The following PDE4D variants were observed in gnomAD, a reference collection of about 807,000 sequenced individuals.
PDE4D encodes the protein phosphodiesterase 4D, also known as 3',5'-cyclic-AMP phosphodiesterase 4D.
Under a neutral mutation model 87.4 loss-of-function variants are expected in PDE4D, and 24 were observed. The ratio of observed to expected loss-of-function variants is 0.27; its 90% CI spans 0.20 to 0.39. The LOEUF (loss-of-function observed/expected upper bound fraction) is 0.39, where lower values mean the gene tolerates loss of function less well. PDE4D is among the 10% of genes least tolerant of loss of function. PDE4D has a pLI of 1.00. For synonymous variants in PDE4D, 384 were observed against 383.2 expected (o/e 1.00, Z -0.02); for missense variants, 714 against 1,041.0 (o/e 0.69, Z 4.32).
In PDE4D at chr5:60,083,050, T is replaced by A. The variant is rs145407031; in HGVS notation, c.43-94333A>T. Reference sequence around the variant, plus strand: ...TCTATTTATTTTGCAGCTCTCATGTTCATTTGTAATTATATGGCTGATGTG... The same window carrying A: ...TCTATTTATTTTGCAGCTCTCATGTACATTTGTAATTATATGGCTGATGTG... On this transcript the variant is annotated intron_variant, in intron 2 of 16. Coordinates refer to the PDE4D transcript ENST00000502484. Among the ~76,000 whole-genome samples the A allele has an allele frequency of 4.9e-3, 747 of 152,330 alleles. 1 individual carries two copies. Among genetic ancestry groups the A allele is most frequent in the African/African-American group, 0.017 (715 of 41,564 alleles).
intron 1 of PDE4D, among the ~76,000 whole-genome samples, chr5:59,502,994 A>G (rs1808597439): frequency 6.6e-6 from 1 of 151,378 alleles, no homozygotes; most frequent in Non-Finnish European, 1.5e-5. Context: ...TTTAAATGCT[A>G]AGTTCTGTAT....
At chr5:59,823,264 G>C (rs1769919153) in intron 1 of PDE4D, among the ~76,000 whole-genome samples, 1 of 152,060 alleles carries the variant, frequency 6.6e-6, no homozygotes, top group Admixed American at 6.6e-5. Flanking sequence ...CCTGTATAAT[G>C]CTCCAATTTG....
At chr5:60,050,211 C>A (rs546575920) in intron 2 of PDE4D, among the ~76,000 whole-genome samples, 3 of 152,262 alleles carry the variant, frequency 2.0e-5, no homozygotes, top group Non-Finnish European at 4.4e-5. Flanking sequence ...CAATGCCTCA[C>A]CCTGCTTCGG....
intron 1 of PDE4D, among the ~76,000 whole-genome samples, chr5:59,234,576 C>T (rs1755951974): frequency 6.6e-6 from 1 of 152,064 alleles, no homozygotes; most frequent in African/African-American, 2.4e-5. Context: ...CTATACTGTA[C>T]CATGACAGTG....
At chr5:59,500,984 T>C (rs572001303) in intron 1 of PDE4D, among the ~76,000 whole-genome samples, 5 of 152,308 alleles carry the variant, frequency 3.3e-5, no homozygotes, top group African/African-American at 1.2e-4. Context: ...TTTTTTCTTA[T>C]TTAAATTCCA....
chr5:60,175,732 G>A (rs1478089504), intron 2 of PDE4D, among the ~76,000 whole-genome samples: 1 of 152,078 alleles, frequency 6.6e-6, no homozygotes, highest in African/African-American at 2.4e-5. Context: ...TAGCAGGCCA[G>A]GGAGGAAGGG....
chr5:59,675,990 C>T lies in PDE4D; in HGVS notation c.455+217178G>A, dbSNP rs192763881. On this transcript the variant is annotated intron_variant, in intron 1 of 14. Coordinates refer to ENST00000340635, the MANE Select transcript of PDE4D (RefSeq NM_001104631.2). The stretch of plus-strand genomic sequence containing the variant: ...TACAGGCATGAGCCACCACACTCAA[C>T]CAAAAAATATAGTGTTAAGAGATCA... Among the ~76,000 whole-genome samples, 331 of 152,018 alleles carry T rather than the reference C, an allele frequency of 2.2e-3. 3 individuals are homozygous for T. The highest frequency in any genetic ancestry group is 0.02 in the Admixed American group (307 of 15,286).
chr5:59,544,973 G>T (rs188761937), intron 1 of PDE4D, among the ~76,000 whole-genome samples: 6 of 152,242 alleles, frequency 3.9e-5, no homozygotes, highest in African/African-American at 1.2e-4. Context: ...AGAAAATTTT[G>T]ATCATTACTC....
intron 1 of PDE4D, among the ~76,000 whole-genome samples, chr5:59,440,753 G>T (rs1797492501): frequency 1.3e-5 from 2 of 152,044 alleles, no homozygotes; most frequent in Non-Finnish European, 2.9e-5. Context: ...TCCAGCCTGG[G>T]CAACAAATGC....
intron 1 of PDE4D, among the ~76,000 whole-genome samples, chr5:60,321,869 A>G (rs2149841438): frequency 6.6e-6 from 1 of 150,418 alleles, no homozygotes; most frequent in East Asian, 2.0e-4. Flanking sequence ...CAGAATGGCT[A>G]TGATTAAAAA....
Position 60,465,014 on chromosome 5 carries a change from C to T in PDE4D, c.-90+22928G>A, listed in dbSNP as rs185294474. 1.9e-4 allele frequency among the ~76,000 whole-genome samples: 29 copies of T among 151,880 alleles called. 2 individuals are homozygous for T. In the South Asian group the frequency reaches 4.6e-3, roughly 24 times the overall value. ...GTCCCAGCTATTTGGGAGGCTGAGGCGGGAGGATTGTTTGAACTCAGGAGT... is the reference window on the plus strand; with the variant it reads ...GTCCCAGCTATTTGGGAGGCTGAGGTGGGAGGATTGTTTGAACTCAGGAGT... On this transcript the variant is annotated intron_variant, in intron 1 of 16. Transcript: ENST00000502484.
intron 1 of PDE4D, among the ~76,000 whole-genome samples, chr5:59,842,243 T>A (rs904388966): frequency 4.0e-5 from 6 of 151,896 alleles, no homozygotes; most frequent in Non-Finnish European, 8.8e-5. Context: ...AAGGCAGAAG[T>A]GAAATGACTT....
intron 1 of PDE4D, among the ~76,000 whole-genome samples, chr5:59,376,038 C>A (rs979533399): frequency 1.3e-5 from 2 of 152,106 alleles, no homozygotes; most frequent in South Asian, 2.1e-4. Context: ...GAACAGCCCT[C>A]AAAAAATAAG....
At chr5:59,519,875 T>A (rs1582957497) in intron 1 of PDE4D, among the ~76,000 whole-genome samples, 1 of 151,468 alleles carries the variant, frequency 6.6e-6, no homozygotes, top group South Asian at 2.1e-4. Flanking sequence ...CAATATTGGA[T>A]TTGTTGGGCA....
intron 1 of PDE4D, among the ~76,000 whole-genome samples, chr5:60,301,210 T>C (rs2149792468): frequency 6.6e-6 from 1 of 152,342 alleles, no homozygotes; most frequent in Non-Finnish European, 1.5e-5. Context: ...CTTTTTTGGT[T>C]CCATACGAAT....
intron 2 of PDE4D, among the ~76,000 whole-genome samples, chr5:60,182,836 C>T (rs1309509107): frequency 1.3e-5 from 2 of 151,348 alleles, no homozygotes; most frequent in African/African-American, 2.4e-5. Context: ...GCCGAGATCG[C>T]GCCACTGCGC....
rs189772068 is a variant in PDE4D at position 60,311,202 on chromosome 5, C to T, written c.-89-125515G>A. 9.8e-4 allele frequency among the ~76,000 whole-genome samples: 149 copies of T among 151,410 alleles called. 1 individual carries two copies. The East Asian group carries it at 0.021, about 21-fold the overall frequency. On this transcript the variant is annotated intron_variant, in intron 1 of 16. Transcript: ENST00000502484. Reference sequence around the variant, plus strand: ...TGGCTAATTTTGTATTTTTGTATTTCGTAGAGACGGGGTTTCTCCATGTTG... The same window carrying T: ...TGGCTAATTTTGTATTTTTGTATTTTGTAGAGACGGGGTTTCTCCATGTTG...
intron 1 of PDE4D, among the ~76,000 whole-genome samples, chr5:59,380,478 A>T (rs1327653530): frequency 6.6e-6 from 1 of 152,022 alleles, no homozygotes; most frequent in African/African-American, 2.4e-5. Context: ...CAGCAACATG[A>T]AGGTGGTCAA....
At chr5:59,746,099 T>C (rs901281258) in intron 1 of PDE4D, among the ~76,000 whole-genome samples, 4 of 152,208 alleles carry the variant, frequency 2.6e-5, no homozygotes, top group African/African-American at 4.8e-5. Flanking sequence ...ATATATTTTT[T>C]CAAAAATATT....
Sources: gnomAD v4.1 joint callset for allele counts (sites outside exome capture counted in the v4.1 genomes callset) on GRCh38, gnomAD v4.1.1 for gene constraint, MANE v1.5 for transcripts, NCBI Gene and HGNC (gene_info 2026-07-23, HGNC 2026-07-21) for gene names.